The following NELL1 variants were observed in gnomAD, a reference collection of about 807,000 sequenced individuals.
NELL1 encodes the protein neural EGFL like 1, also known as protein kinase C-binding protein NELL1.
Under a neutral mutation model 107.4 loss-of-function variants are expected in NELL1, and 76 were observed. The ratio of observed to expected loss-of-function variants is 0.71; its 90% confidence interval spans 0.59 to 0.86. The LOEUF (loss-of-function observed/expected upper bound fraction) is 0.86, where lower values mean the gene tolerates loss of function less well. Among genes scored for constraint, NELL1 ranks in the 40% least tolerant of loss-of-function variants. NELL1 has a pLI of 0.00. For missense variants in NELL1, 1,024 were observed against 1,005.5 expected, an observed-to-expected ratio of 1.02 and a Z score of -0.25; for synonymous variants, 353 against 341.2, an observed-to-expected ratio of 1.03 and a Z score of -0.38.
chr11:21,037,071 G>A (rs928945409), intron 12 of NELL1, among the ~76,000 whole-genome samples: 4 of 151,826 alleles, frequency 2.6e-5, no homozygotes, highest in Non-Finnish European at 5.9e-5. Flanking sequence ...CTGGATTAAG[G>A]ATGTACCTGC....
chr11:21,012,619 TA>T (rs1330070254), intron 12 of NELL1, among the ~76,000 whole-genome samples: 1 of 152,154 alleles, frequency 6.6e-6, no homozygotes, highest in East Asian at 1.9e-4. Flanking sequence ...GTTTTATTAT[TA>T]CTCAAATTAA....
intron 14 of NELL1, among the ~76,000 whole-genome samples, chr11:21,337,780 C>CTTTCTTTCTTTCT (rs1555006141): frequency 1.4e-5 from 2 of 139,998 alleles, no homozygotes; most frequent in Non-Finnish European, 3.1e-5. Flanking sequence ...TTCTTTCTTT[C>CTTTCTTTCTTTCT]TTTCTTTCTT....
intron 3 of NELL1, among the ~76,000 whole-genome samples, chr11:20,844,024 C>A (rs11025786): frequency 0.18 from 26,878 of 152,084 alleles, 2,709 homozygotes; most frequent in African/African-American, 0.27. Flanking sequence ...ATTTTGTGTT[C>A]AAGGTCTTGG....
At chr11:20,716,701 A>C (rs1003198591) in intron 2 of NELL1, among the ~76,000 whole-genome samples, 1 of 152,050 alleles carries the variant, frequency 6.6e-6, no homozygotes, top group African/African-American at 2.4e-5. Flanking sequence ...CCTAGCTATG[A>C]CTCTTACTAG....
intron 12 of NELL1, among the ~76,000 whole-genome samples, chr11:21,073,571 C>T (rs1208388814): frequency 6.6e-6 from 1 of 152,124 alleles, no homozygotes; most frequent in Non-Finnish European, 1.5e-5. Flanking sequence ...ATGCTTAAAG[C>T]CCATGTATGG....
At chr11:20,688,555 G>A (rs1279779746) in intron 2 of NELL1, among the ~76,000 whole-genome samples, 1 of 152,082 alleles carries the variant, frequency 6.6e-6, no homozygotes, top group Non-Finnish European at 1.5e-5. Flanking sequence ...CAAAGAACAT[G>A]ATTTCATTGT....
intron 12 of NELL1, among the ~76,000 whole-genome samples, chr11:21,073,315 C>T (rs1162269817): frequency 6.6e-6 from 1 of 152,020 alleles, no homozygotes; most frequent in Non-Finnish European, 1.5e-5. Context: ...GTACACGTTC[C>T]AGGATGGCTT....
At chr11:21,077,257 G>A (rs1347304007) in intron 12 of NELL1, among the ~76,000 whole-genome samples, 4 of 152,108 alleles carry the variant, frequency 2.6e-5, no homozygotes, top group African/African-American at 7.2e-5. Context: ...GCATACTCTT[G>A]TAAATGATGC....
intron 3 of NELL1, among the ~76,000 whole-genome samples, chr11:20,824,106 G>A (rs1344373213): frequency 6.6e-6 from 1 of 151,086 alleles, no homozygotes; most frequent in Non-Finnish European, 1.5e-5. Context: ...TTCCCCCCAT[G>A]CTGTTCTCAT....
At chr11:21,399,781 T>G (rs1029631258) in intron 15 of NELL1, among the ~76,000 whole-genome samples, 1 of 151,732 alleles carries the variant, frequency 6.6e-6, no homozygotes, top group African/African-American at 2.4e-5. Context: ...GTGCAATACA[T>G]CTCTCATTTG....
At chr11:20,901,111 G>T (rs1849863034) in intron 5 of NELL1, among the ~76,000 whole-genome samples, 1 of 151,980 alleles carries the variant, frequency 6.6e-6, no homozygotes, top group South Asian at 2.1e-4. Flanking sequence ...TGTACTGGAG[G>T]TTCTTACCAG....
intron 14 of NELL1, among the ~76,000 whole-genome samples, chr11:21,240,505 A>C (rs1413856821): frequency 6.6e-6 from 1 of 151,988 alleles, no homozygotes; most frequent in Non-Finnish European, 1.5e-5. Context: ...CTCAAACTAG[A>C]GAATAAAACT....
At chr11:21,093,848 A>G (rs1179353519) in intron 12 of NELL1, among the ~76,000 whole-genome samples, 1 of 152,098 alleles carries the variant, frequency 6.6e-6, no homozygotes, top group Non-Finnish European at 1.5e-5. Flanking sequence ...TCCTTCACAC[A>G]ACACATGGGA....
At chr11:20,698,353 A>C (rs986763920) in intron 2 of NELL1, among the ~76,000 whole-genome samples, 1 of 152,222 alleles carries the variant, frequency 6.6e-6, no homozygotes, top group Non-Finnish European at 1.5e-5. Flanking sequence ...TACCGTCTGC[A>C]CTAAAATCTC....
chr11:21,376,216 T>C (rs1007083076), intron 15 of NELL1, among the ~76,000 whole-genome samples: 4 of 152,046 alleles, frequency 2.6e-5, no homozygotes, highest in Non-Finnish European at 4.4e-5. Context: ...CTTGAGTTAA[T>C]TTTTTGTATA....
chr11:21,391,364 CTT>C (rs1234043908), intron 15 of NELL1, among the ~76,000 whole-genome samples: 1 of 151,594 alleles, frequency 6.6e-6, no homozygotes, highest in Admixed American at 6.6e-5. Context: ...GGGCTGGAGA[CTT>C]TGAAAAACCT....
chr11:21,059,180 G>A (rs1853677997), intron 12 of NELL1, among the ~76,000 whole-genome samples: 3 of 151,332 alleles, frequency 2.0e-5, no homozygotes, highest in African/African-American at 7.3e-5. Context: ...CTTTTTTATG[G>A]CAGTTGCATT....
chr11:20,918,738 C>T (rs894987639), intron 6 of NELL1, among the ~76,000 whole-genome samples: 2 of 152,054 alleles, frequency 1.3e-5, no homozygotes, highest in Admixed American at 6.6e-5. Context: ...GGGTCCCTCC[C>T]ACATGTGGGA....
At chr11:20,944,485 A>G (rs933767290) in intron 10 of NELL1, among the ~76,000 whole-genome samples, 1 of 152,316 alleles carries the variant, frequency 6.6e-6, no homozygotes, top group Admixed American at 6.5e-5. Context: ...TTAGTGCACA[A>G]TGGTTAGTAC....
Sources: gnomAD v4.1 joint callset for allele counts (sites outside exome capture counted in the v4.1 genomes callset) on GRCh38, gnomAD v4.1.1 for gene constraint, MANE v1.5 for transcripts, NCBI Gene and HGNC (gene_info 2026-07-23, HGNC 2026-07-21) for gene names.